The following NME9 variants were observed in gnomAD, a reference collection of about 807,000 sequenced individuals.
NME9 encodes NME/NM23 family member 9.
NME9 carries 48 observed loss-of-function variants against 44.4 expected under a neutral mutation model. The observed-to-expected ratio is 1.08, with a 90% CI of 0.86 to 1.37. The LOEUF (loss-of-function observed/expected upper bound fraction) is 1.37, where lower values mean the gene tolerates loss of function less well. Among genes scored for constraint, NME9 ranks in the 40% most tolerant of loss-of-function variants. The pLI is 0.00. For synonymous variants in NME9, 139 were observed against 147.1 expected (o/e 0.94, Z 0.40); for missense variants, 325 against 405.2 (o/e 0.80, Z 1.70).
At chr3:138,282,623 G>A (rs1291522989) in intron 8 of NME9, among the ~76,000 whole-genome samples, 1 of 139,658 alleles carries the variant, frequency 7.2e-6, no homozygotes, top group Admixed American at 7.4e-5. Context: ...GTGACAGAGT[G>A]AGACTCCATC....
intron 8 of NME9, among the ~76,000 whole-genome samples, chr3:138,286,233 G>A (rs1362222242): frequency 6.6e-6 from 1 of 152,138 alleles, no homozygotes; most frequent in Non-Finnish European, 1.5e-5. Context: ...ATGAGCCACT[G>A]CGCCCAACCT....
At chr3:138,325,900 CA>C (rs1341663722) in intron 1 of NME9, among the ~76,000 whole-genome samples, 19 of 148,924 alleles carry the variant, frequency 1.3e-4, no homozygotes, top group African/African-American at 3.7e-4. Context: ...TAATCAAAAT[CA>C]GGGGAAAAAA....
At chr3:138,324,806 T>C in intron 2 of NME9, 67 bp downstream of exon 2, 1 of 1,271,282 alleles carries the variant, frequency 7.9e-7, no homozygotes, top group Non-Finnish European at 1.1e-6. Context: ...CTTCTCTTCA[T>C]GGTTCATCAC....
intron 8 of NME9, among the ~76,000 whole-genome samples, chr3:138,282,635 C>CAAAA (rs760470914): frequency 2.1e-5 from 1 of 47,498 alleles, no homozygotes. Context: ...GACTCCATCT[C>CAAAA]AAAAAAAAAA....
chr3:138,301,902 C>G (rs768825541), intron 10 of NME9, among the ~76,000 whole-genome samples, 198 bp from the exon 11 acceptor site: 11 of 152,188 alleles, frequency 7.2e-5, no homozygotes, highest in Non-Finnish European at 1.6e-4. Context: ...GTGTCAGATG[C>G]CAGACCAAGA....
chr3:138,286,389 A>G (rs1430326245), intron 8 of NME9, among the ~76,000 whole-genome samples: 1 of 152,164 alleles, frequency 6.6e-6, no homozygotes, highest in Non-Finnish European at 1.5e-5. Flanking sequence ...CATGATGCCA[A>G]ATCCAAAGGA....
intron 9 of NME9, 142 bp downstream of exon 9, chr3:138,304,731 C>T: frequency 2.4e-6 from 2 of 823,138 alleles, no homozygotes; most frequent in Admixed American, 2.4e-5. Flanking sequence ...ATGTCAGGGT[C>T]TCCCCAAATA....
At chr3:138,305,897 T>G (rs2052218087) in intron 8 of NME9, 107 bp downstream of exon 8, 6 of 770,104 alleles carry the variant, frequency 7.8e-6, no homozygotes, top group Non-Finnish European at 1.4e-5. Context: ...GTTCCTATTT[T>G]GGTTCTTCAT....
intron 8 of NME9, among the ~76,000 whole-genome samples, chr3:138,274,749 A>G (rs2049112272): frequency 6.6e-6 from 1 of 152,200 alleles, no homozygotes; most frequent in Admixed American, 6.5e-5. Flanking sequence ...ACCAGCGTCT[A>G]CAGTTTTGCT....
intron 8 of NME9, among the ~76,000 whole-genome samples, chr3:138,291,983 A>T (rs1214950353): frequency 6.6e-6 from 1 of 152,102 alleles, no homozygotes; most frequent in Non-Finnish European, 1.5e-5. Flanking sequence ...TGTTAAGGAG[A>T]GGAGACATTA....
chr3:138,263,909 T>C lies in NME9; in HGVS notation c.746-1323A>G, dbSNP rs550554802. ...GGTCCTTCACTGAGTAAACACAGAC[T>C]ACAAATGTTCCTCAAAAATCTGCTC... is the stretch of plus-strand genomic sequence containing the variant. On this transcript the variant is annotated intron_variant, in intron 8 of 8. Coordinates refer to the NME9 transcript ENST00000317876. The C allele has an allele frequency of 1.1e-5, 13 of 1,229,746 alleles. No homozygotes were observed. In the African/African-American group the frequency reaches 1.6e-4, roughly 15 times the overall value. 76.2% of individuals were successfully genotyped at this position (1,229,746 alleles called of 1,614,324 possible). A position where few individuals can be genotyped will look rare whatever the true frequency, so the allele number is the denominator to read the frequency against.
At chr3:138,300,320 CAG>C (rs984844026), downstream of NME9, among the ~76,000 whole-genome samples, 1 of 152,158 alleles carries the variant, frequency 6.6e-6, no homozygotes, top group African/African-American at 2.4e-5. Context: ...CCCCTGAGCA[CAG>C]AGTGTGTTGT....
chr3:138,300,087 G>A (rs1436185900), downstream of NME9, among the ~76,000 whole-genome samples: 1 of 152,174 alleles, frequency 6.6e-6, no homozygotes, highest in African/African-American at 2.4e-5. Context: ...CTGTGAGTCT[G>A]GGGATCTGGA....
chr3:138,268,017 C>T (rs1462566437), intron 8 of NME9, among the ~76,000 whole-genome samples: 1 of 151,984 alleles, frequency 6.6e-6, no homozygotes, highest in East Asian at 1.9e-4. Context: ...CCAAGGCAGG[C>T]AGAACACTTG....
At chr3:138,307,052 G>C (rs1329442530) in intron 6 of NME9, among the ~76,000 whole-genome samples, 2 of 152,192 alleles carry the variant, frequency 1.3e-5, no homozygotes, top group Non-Finnish European at 2.9e-5. Context: ...TCCAGGCCCT[G>C]AGTCTGCATG....
intron 2 of NME9, 100 bp from the exon 3 acceptor site, chr3:138,319,681 T>A (rs1363425541): frequency 2.9e-6 from 2 of 680,046 alleles, no homozygotes; most frequent in Non-Finnish European, 5.4e-6. Context: ...CAAATGGACA[T>A]TCATTTGCCG....
At chr3:138,284,392 C>A (rs1175646144) in intron 8 of NME9, 1 of 1,526,830 alleles carries the variant, frequency 6.5e-7, no homozygotes, top group African/African-American at 1.4e-5. Flanking sequence ...TCTGGGACTT[C>A]AGAGCTTTCC....
chr3:138,295,960 A>C, intron 8 of NME9: 406 of 1,536,904 alleles, frequency 2.6e-4, no homozygotes, highest in Middle Eastern at 5.1e-4. Flanking sequence ...AACCAGCCTC[A>C]TTTGATTCCT....
chr3:138,291,566 G>T (rs1254229052), intron 8 of NME9, among the ~76,000 whole-genome samples: 2 of 152,214 alleles, frequency 1.3e-5, no homozygotes, highest in African/African-American at 4.8e-5. Context: ...ATAGAAGATA[G>T]ATGATAAGCA....
Sources: allele counts gnomAD v4.1 joint callset (sites outside exome capture counted in the v4.1 genomes callset), GRCh38; gene constraint gnomAD v4.1.1; transcripts MANE v1.5; gene names NCBI Gene and HGNC (gene_info 2026-07-23, HGNC 2026-07-21).